Variants in OSTN observed in about 807,000 individuals in gnomAD.
OSTN encodes osteocrin.
A neutral mutation model predicts 12.0 loss-of-function variants in OSTN; 9 were observed. That is an observed-to-expected ratio of 0.75 (90% CI 0.45 to 1.30). The LOEUF (loss-of-function observed/expected upper bound fraction) is 1.30, where lower values mean the gene tolerates loss of function less well. OSTN is among the 50% of genes most tolerant of loss of function. The pLI, the probability that OSTN is intolerant of heterozygous loss-of-function variation, is 0.00. For missense variants in OSTN, 148 were observed against 152.3 expected (o/e 0.97, Z 0.15); for synonymous variants, 59 against 56.9 (o/e 1.04, Z -0.16).
intron 4 of OSTN, among the ~76,000 whole-genome samples, chr3:191,252,881 A>G (rs976261698): frequency 6.6e-5 from 10 of 152,258 alleles, no homozygotes; most frequent in South Asian, 4.1e-4. Flanking sequence ...AGCAGCTTAA[A>G]AGTCATTAAA....
chr3:191,200,132 AG>A (rs1714120936), intron 1 of OSTN, among the ~76,000 whole-genome samples: 1 of 152,142 alleles, frequency 6.6e-6, no homozygotes, highest in Non-Finnish European at 1.5e-5. Flanking sequence ...TGCCTATATA[AG>A]TTATAGAATT....
In OSTN at chr3:191,212,665, T is replaced by C. The variant is rs183121155; in HGVS notation, c.102+31T>C. ...GGAAACTAGCTTACAGAAATAAATA[T>C]ACATGTTTGACATGCTTTATAAATG... On this transcript the variant is annotated intron_variant, in intron 2 of 4. Transcript: ENST00000682035. 1.3e-3 allele frequency: 1,524 copies of C among 1,178,582 alleles called. 1 individual carries two copies. Among genetic ancestry groups the C allele is most frequent in the Non-Finnish European group, 1.5e-3 (1,286 of 852,494 alleles). 73.0% of individuals were successfully genotyped at this position (1,178,582 alleles called of 1,614,324 possible). A position where few individuals can be genotyped will look rare whatever the true frequency, so the allele number is the denominator to read the frequency against.
At chr3:191,233,808 A>G (rs1163371004) in intron 3 of OSTN, among the ~76,000 whole-genome samples, 1 of 152,112 alleles carries the variant, frequency 6.6e-6, no homozygotes, top group Non-Finnish European at 1.5e-5. Context: ...AGCATGACCA[A>G]CATGGTGAAA....
intron 1 of OSTN, among the ~76,000 whole-genome samples, chr3:191,199,939 T>C (rs1714116557): frequency 6.6e-6 from 1 of 152,128 alleles, no homozygotes; most frequent in Admixed American, 6.6e-5. Context: ...TGAGCTCTGT[T>C]GGAGAAGAAA....
chr3:191,261,938 C>T (rs1715821047), intron 4 of OSTN, among the ~76,000 whole-genome samples: 1 of 152,134 alleles, frequency 6.6e-6, no homozygotes, highest in Non-Finnish European at 1.5e-5. Flanking sequence ...GACTATTGGC[C>T]GGGTGCGGTG....
At chr3:191,200,427 G>A (rs772103509) in intron 1 of OSTN, among the ~76,000 whole-genome samples, 34 of 152,038 alleles carry the variant, frequency 2.2e-4, no homozygotes, top group Admixed American at 3.3e-4. Flanking sequence ...ACTGGGCACG[G>A]GAACCTCAGG....
At position 191,262,966 on chromosome 3, in the gene OSTN, G is replaced by A; in HGVS notation, c.*113G>A. The A allele has an allele frequency of 1.5e-6, 1 of 679,152 alleles. No individual in the cohort carries two copies. The highest frequency in any genetic ancestry group is 2.7e-6 in the Non-Finnish European group (1 of 370,010). The allele number at this position is 679,152 out of a possible 1,614,324, so 42.1% of individuals were successfully genotyped here. On this transcript the variant is annotated 3_prime_UTR_variant, in exon 5 of 5. Coordinates refer to ENST00000682035, the MANE Select transcript of OSTN (RefSeq NM_198184.2). The stretch of plus-strand genomic sequence containing the variant: ...TAAACTTTTAAGGAACTGACCTTCT[G>A]CAAATCCTTTCCAAAGCTTGAACTT...
chr3:191,226,061 T>C (rs748433110), intron 3 of OSTN, among the ~76,000 whole-genome samples: 65 of 152,144 alleles, frequency 4.3e-4, no homozygotes, highest in Non-Finnish European at 8.1e-4. Flanking sequence ...AGTAGTGCAA[T>C]TGGTTAGTGT....
chr3:191,229,219 G>A (rs922710068), intron 3 of OSTN, among the ~76,000 whole-genome samples: 2 of 152,196 alleles, frequency 1.3e-5, no homozygotes. Context: ...CGATTCTGAA[G>A]ACTAAAGTAG....
At chr3:191,234,410 G>A (rs1027401101) in intron 3 of OSTN, among the ~76,000 whole-genome samples, 3 of 151,904 alleles carry the variant, frequency 2.0e-5, no homozygotes, top group African/African-American at 7.3e-5. Flanking sequence ...GAAAAGTAGT[G>A]ACTTGGCCGG....
At chr3:191,223,595 G>A (rs1714824983) in intron 3 of OSTN, among the ~76,000 whole-genome samples, 1 of 151,734 alleles carries the variant, frequency 6.6e-6, no homozygotes, top group East Asian at 1.9e-4. Flanking sequence ...AGATGCTTGG[G>A]GACTGAAGAA....
At chr3:191,214,779 A>G (rs1229760237) in intron 2 of OSTN, among the ~76,000 whole-genome samples, 1 of 152,178 alleles carries the variant, frequency 6.6e-6, no homozygotes, top group Non-Finnish European at 1.5e-5. Flanking sequence ...TTGGGAGGCC[A>G]AGGTAGGTGG....
At chr3:191,217,500 C>T (rs750698896) in intron 2 of OSTN, among the ~76,000 whole-genome samples, 5 of 152,154 alleles carry the variant, frequency 3.3e-5, no homozygotes, top group Admixed American at 6.5e-5. Context: ...ATTTTTCCCT[C>T]ATGGGAATAT....
intron 3 of OSTN, among the ~76,000 whole-genome samples, chr3:191,248,703 T>C (rs1346210448): frequency 6.6e-6 from 1 of 152,144 alleles, no homozygotes; most frequent in Non-Finnish European, 1.5e-5. Flanking sequence ...TCCCAGCAGT[T>C]CAGGACGCCA....
intron 4 of OSTN, among the ~76,000 whole-genome samples, chr3:191,255,710 A>T (rs921017665): frequency 1.3e-5 from 2 of 152,104 alleles, no homozygotes; most frequent in Non-Finnish European, 2.9e-5. Flanking sequence ...AAATAGCCCT[A>T]AAAAAAGTGT....
chr3:191,201,108 TA>T (rs923872741), intron 1 of OSTN, among the ~76,000 whole-genome samples: 2 of 152,154 alleles, frequency 1.3e-5, no homozygotes, highest in African/African-American at 2.4e-5. Flanking sequence ...TTTATTTATT[TA>T]TTTTTTTTAG....
intron 3 of OSTN, chr3:191,229,916 A>G (rs997628566): frequency 6.6e-6 from 1 of 151,914 alleles, no homozygotes; most frequent in African/African-American, 2.4e-5. Flanking sequence ...AATACAAAAA[A>G]TTAGCTGGGC....
At chr3:191,234,684 G>A (rs560824395) in intron 3 of OSTN, 11 of 138,296 alleles carry the variant, frequency 8.0e-5, no homozygotes, top group African/African-American at 2.0e-4. Flanking sequence ...GCAACAGAAC[G>A]GGACACCATC....
intron 3 of OSTN, 62 bp downstream of exon 3, chr3:191,219,023 C>A (rs1714696980): frequency 2.9e-6 from 4 of 1,402,176 alleles, no homozygotes; most frequent in Admixed American, 4.1e-5. Context: ...GATTCTAAAT[C>A]TGAGAGAATT....
Sources: allele counts gnomAD v4.1 joint callset (sites outside exome capture counted in the v4.1 genomes callset), GRCh38; gene constraint gnomAD v4.1.1; transcripts MANE v1.5; gene names NCBI Gene and HGNC (gene_info 2026-07-23, HGNC 2026-07-21).